Variants in ST8SIA1 observed in about 807,000 individuals in gnomAD.
ST8SIA1 encodes the protein ST8 alpha-N-acetyl-neuraminide alpha-2,8-sialyltransferase 1.
A neutral mutation model predicts 35.9 loss-of-function variants in ST8SIA1; 16 were observed. The ratio of observed to expected loss-of-function variants is 0.45; its 90% CI spans 0.30 to 0.68. The LOEUF (loss-of-function observed/expected upper bound fraction) is 0.68. Ranked by LOEUF, ST8SIA1 falls within the 30% of genes least tolerant of loss-of-function variation. ST8SIA1 has a pLI of 0.09. For synonymous variants in ST8SIA1, 170 were observed against 169.6 expected, an observed-to-expected ratio of 1.00 and a Z score of -0.02; for missense variants, 383 against 453.6, an observed-to-expected ratio of 0.84 and a Z score of 1.41.
In ST8SIA1 at chr12:22,197,637, A is replaced by G. The variant is rs1865005009; in HGVS notation, c.*3915T>C. On this transcript the variant is annotated 3_prime_UTR_variant, in exon 5 of 5. Coordinates refer to ENST00000396037, the MANE Select transcript of ST8SIA1 (RefSeq NM_003034.4). ...TCTTGTAAAGCCTTTGACTAATCCA[A>G]GGGTATTTTTGGCAAATTTAAAATC... 6.6e-6 allele frequency: 1 copy of G among 152,182 alleles called. No individual in the cohort carries two copies. The highest frequency in any genetic ancestry group is 1.5e-5 in the Non-Finnish European group (1 of 68,022). 9.4% of individuals were successfully genotyped at this position (152,182 alleles called of 1,614,324 possible). A position where few individuals can be genotyped will look rare whatever the true frequency, so the allele number is the denominator to read the frequency against.
intron 3 of ST8SIA1, among the ~76,000 whole-genome samples, chr12:22,255,058 G>T (rs1245433001): frequency 6.6e-6 from 1 of 152,082 alleles, no homozygotes; most frequent in Non-Finnish European, 1.5e-5. Context: ...GGGTATCTCT[G>T]TTCCGCCTGA....
At chr12:22,221,465 A>G (rs1475494771) in intron 4 of ST8SIA1, among the ~76,000 whole-genome samples, 3 of 152,236 alleles carry the variant, frequency 2.0e-5, no homozygotes, top group African/African-American at 7.2e-5. Flanking sequence ...GCCACAATGA[A>G]TAAAGACGAA....
chr12:22,313,235 C>CAT (rs1229919253), intron 1 of ST8SIA1, among the ~76,000 whole-genome samples: 1 of 152,128 alleles, frequency 6.6e-6, no homozygotes, highest in African/African-American at 2.4e-5. Flanking sequence ...TACATATAAA[C>CAT]CCCTTTGCAT....
At position 22,201,668 on chromosome 12, in the gene ST8SIA1, A is replaced by G; in HGVS notation, c.955T>C (p.Ser319Pro). Residue 319 changes from serine to proline, a missense_variant, in exon 5 of 5, where the codon TCT (serine) becomes CCT (proline). By Grantham distance (74) the Ser-to-Pro change is moderately conservative. Transcript: ENST00000396037. ...TCCTCGGGCATGGCATGGAAGCCAG[A>G]AAAGGGTAAGACGTTGTCATAGTAG... ...HHYYDNVLPF[S>P]GFHAMPEEFL... is the part of the protein sequence containing the mutation. 4 of 1,614,162 alleles carry G rather than the reference A, an allele frequency of 2.5e-6. No individual in the cohort carries two copies. The highest frequency in any genetic ancestry group is 3.4e-6 in the Non-Finnish European group (4 of 1,179,986).
intron 4 of ST8SIA1, among the ~76,000 whole-genome samples, chr12:22,234,955 C>T (rs1401723415): frequency 6.6e-6 from 1 of 152,150 alleles, no homozygotes; most frequent in African/African-American, 2.4e-5. Context: ...TGATATCTGT[C>T]CCACTAATTT....
rs191891565 is a variant in ST8SIA1 at position 22,276,561 on chromosome 12, C to T, written c.381+10588G>A. 7.4e-3 allele frequency among the ~76,000 whole-genome samples: 1,122 copies of T among 152,162 alleles called. 11 individuals are homozygous for T. Among genetic ancestry groups the T allele is most frequent in the African/African-American group, 0.026 (1,070 of 41,502 alleles). On this transcript the variant is annotated intron_variant, in intron 2 of 4. Coordinates refer to ENST00000396037, the MANE Select transcript of ST8SIA1 (RefSeq NM_003034.4). The stretch of plus-strand genomic sequence containing the variant: ...CCAAGGTGGCCAGATGGTTCCAGGA[C>T]CACAGTGTCTTTATTTTTAACTGTT...
chr12:22,321,528 C>T (rs978025396), intron 1 of ST8SIA1, among the ~76,000 whole-genome samples: 1 of 152,196 alleles, frequency 6.6e-6, no homozygotes, highest in South Asian at 2.1e-4. Context: ...GTTCTAGAGC[C>T]TGAGCAGGCG....
chr12:22,263,964 G>T (rs1285285071), intron 2 of ST8SIA1, among the ~76,000 whole-genome samples: 4 of 152,108 alleles, frequency 2.6e-5, no homozygotes, highest in African/African-American at 9.7e-5. Flanking sequence ...CCTTCTTAAT[G>T]AAAATCTCAA....
chr12:22,267,891 C>T (rs1351504416), intron 2 of ST8SIA1, among the ~76,000 whole-genome samples: 2 of 152,164 alleles, frequency 1.3e-5, no homozygotes, highest in East Asian at 3.9e-4. Flanking sequence ...TCTTCCTTCC[C>T]TAGAACCTTC....
chr12:22,221,826 AT>A (rs1865303508), intron 4 of ST8SIA1, among the ~76,000 whole-genome samples: 3 of 152,180 alleles, frequency 2.0e-5, no homozygotes, highest in Admixed American at 2.0e-4. Context: ...AATTTCTTCC[AT>A]TTCTAAGTGT....
chr12:22,323,429 T>A (rs1407583918), intron 1 of ST8SIA1, among the ~76,000 whole-genome samples: 1 of 152,188 alleles, frequency 6.6e-6, no homozygotes, highest in Non-Finnish European at 1.5e-5. Flanking sequence ...AGTTCAACCA[T>A]TGTGGAAGAC....
chr12:22,203,743 C>T (rs1355607778), intron 4 of ST8SIA1, among the ~76,000 whole-genome samples: 1 of 152,170 alleles, frequency 6.6e-6, no homozygotes, highest in Non-Finnish European at 1.5e-5. Context: ...CTCTGCTTAG[C>T]AATTCCTTTC....
At chr12:22,310,496 A>G (rs963655499) in intron 1 of ST8SIA1, among the ~76,000 whole-genome samples, 1 of 152,182 alleles carries the variant, frequency 6.6e-6, no homozygotes, top group Admixed American at 6.5e-5. Context: ...TGCTCAATAC[A>G]GTAACTCGAT....
intron 4 of ST8SIA1, among the ~76,000 whole-genome samples, chr12:22,206,907 A>G (rs1865116159): frequency 6.6e-6 from 1 of 152,220 alleles, no homozygotes; most frequent in African/African-American, 2.4e-5. Context: ...TGGCTACCAC[A>G]TCTGGGCTAG....
At chr12:22,238,475 G>A (rs1421901819) in intron 4 of ST8SIA1, among the ~76,000 whole-genome samples, 2 of 152,134 alleles carry the variant, frequency 1.3e-5, no homozygotes. Flanking sequence ...GCCAGCCCCG[G>A]CTGCTCCAAG....
At position 22,193,961 on chromosome 12, in the gene ST8SIA1, A is replaced by G. The variant is rs1459498725; in HGVS notation, c.*7591T>C. On this transcript the variant is annotated 3_prime_UTR_variant, in exon 5 of 5. Coordinates refer to ENST00000396037, the MANE Select transcript of ST8SIA1 (RefSeq NM_003034.4). ...ATGTGGAATAATATTAAAATGTGCC[A>G]TAATAGAATTAAAGAGACCAAAAAG... is the stretch of plus-strand genomic sequence containing the variant. 2 of 152,238 alleles carry G rather than the reference A, an allele frequency of 1.3e-5. No individual in the cohort carries two copies. The highest frequency in any genetic ancestry group is 4.8e-5 in the African/African-American group (2 of 41,474). 9.4% of individuals were successfully genotyped at this position (152,238 alleles called of 1,614,324 possible).
intron 4 of ST8SIA1, among the ~76,000 whole-genome samples, chr12:22,204,044 C>T (rs999736853): frequency 7.2e-5 from 11 of 152,136 alleles, no homozygotes; most frequent in African/African-American, 2.7e-4. Context: ...CCATCTCTCA[C>T]CACCTTTTTC....
At chr12:22,257,561 G>C (rs1277423168) in intron 2 of ST8SIA1, among the ~76,000 whole-genome samples, 1 of 151,744 alleles carries the variant, frequency 6.6e-6, no homozygotes, top group African/African-American at 2.4e-5. Context: ...TCAGGGAGGA[G>C]TTCAATTTGT....
intron 2 of ST8SIA1, among the ~76,000 whole-genome samples, chr12:22,265,274 A>G (rs999087701): frequency 1.3e-5 from 2 of 152,250 alleles, no homozygotes; most frequent in Non-Finnish European, 2.9e-5. Flanking sequence ...TTTCAAAGGT[A>G]GGGCCAATCA....
Sources: gnomAD v4.1 joint callset for allele counts (sites outside exome capture counted in the v4.1 genomes callset) on GRCh38, gnomAD v4.1.1 for gene constraint, MANE v1.5 for transcripts, NCBI Gene and HGNC (gene_info 2026-07-23, HGNC 2026-07-21) for gene names.